Variants in MPPED2 observed in about 807,000 individuals in gnomAD.
The protein encoded by MPPED2 is metallophosphoesterase MPPED2.
Under a neutral mutation model 33.0 loss-of-function variants are expected in MPPED2, and 5 were observed. The observed-to-expected ratio is 0.15, with a 90% confidence interval of 0.08 to 0.32. MPPED2 has a LOEUF of 0.32. MPPED2 is among the 10% of genes least tolerant of loss of function. The pLI is 1.00. For missense variants in MPPED2, 275 were observed against 372.1 expected, an observed-to-expected ratio of 0.74 and a Z score of 2.15; for synonymous variants, 136 against 141.9, an observed-to-expected ratio of 0.96 and a Z score of 0.29.
At chr11:30,584,592 G>A (rs143038800) in intron 1 of MPPED2, 452 of 152,386 alleles carry the variant, frequency 3.0e-3, no homozygotes, top group Non-Finnish European at 5.1e-3. Context: ...CTCTTCCCTA[G>A]CTCTGGATTG....
At position 30,410,629 on chromosome 11, in the gene MPPED2, T is replaced by C. The variant is rs553951; in HGVS notation, c.*839A>G. 713,323 of 985,184 alleles carry C rather than the reference T, an allele frequency of 0.72. 260,184 individuals are homozygous for C. Among genetic ancestry groups the C allele is most frequent in the Non-Finnish European group, 0.74 (617,836 of 829,620 alleles). The allele number at this position is 985,184 out of a possible 1,614,324, so 61.0% of individuals were successfully genotyped here. ...TCAGTTCCTTCCGACTTCTGATGTGTTGCTATACAGCATCCCTTTGCAGTT... is the reference window on the plus strand; with the variant it reads ...TCAGTTCCTTCCGACTTCTGATGTGCTGCTATACAGCATCCCTTTGCAGTT... On this transcript the variant is annotated 3_prime_UTR_variant, in exon 7 of 7. Coordinates refer to ENST00000358117, the MANE Select transcript of MPPED2 (RefSeq NM_001584.3).
At chr11:30,520,005 ATGTCTGCCCTCAC>A (rs1953765904) in intron 3 of MPPED2, among the ~76,000 whole-genome samples, 1 of 152,168 alleles carries the variant, frequency 6.6e-6, no homozygotes, top group Non-Finnish European at 1.5e-5. Context: ...TTATAGTTAG[ATGTCTGCCCTCAC>A]AGGCAAGTAC....
chr11:30,576,258 T>C (rs1039844424), intron 2 of MPPED2, among the ~76,000 whole-genome samples: 31 of 152,280 alleles, frequency 2.0e-4, no homozygotes, highest in African/African-American at 6.7e-4. Context: ...TGCAAGCAAA[T>C]GTTAAACCCG....
rs1554919022 is a variant in MPPED2, at chr11:30,583,134, C to CTTTTTTTCTTTTTTTTTTTTT, written c.-121-2641_-121-2640insAAAAAAAAAAAAAGAAAAAAA. 8.8e-4 allele frequency among the ~76,000 whole-genome samples: 85 copies of CTTTTTTTCTTTTTTTTTTTTT among 96,652 alleles called. 3 individuals are homozygous for CTTTTTTTCTTTTTTTTTTTTT. The highest frequency in any genetic ancestry group is 2.0e-3 in the African/African-American group (42 of 20,680). The allele number at this position is 96,652 out of a possible 152,430, so 63.4% of individuals were successfully genotyped here. On this transcript the variant is annotated intron_variant, in intron 1 of 6. Transcript: ENST00000358117. ...CACAAACACCTGGAAAAGACTTTTT[C>CTTTTTTTCTTTTTTTTTTTTT]TTTTTTTTTTTTTTTTTTTTTTTTT...
At chr11:30,505,731 G>A (rs143895403) in intron 3 of MPPED2, among the ~76,000 whole-genome samples, 100 of 152,282 alleles carry the variant, frequency 6.6e-4, no homozygotes, top group African/African-American at 2.3e-3. Context: ...GACATTGTCA[G>A]GTTTCATCTG....
At chr11:30,522,230 A>G (rs1953911706) in intron 3 of MPPED2, among the ~76,000 whole-genome samples, 1 of 152,198 alleles carries the variant, frequency 6.6e-6, no homozygotes, top group Non-Finnish European at 1.5e-5. Context: ...AGGTCTATAG[A>G]TTACATAACA....
intron 2 of MPPED2, among the ~76,000 whole-genome samples, chr11:30,559,633 G>A (rs1049896088): frequency 1.3e-5 from 2 of 151,820 alleles, no homozygotes; most frequent in African/African-American, 4.8e-5. Flanking sequence ...CTCCTTCAAA[G>A]TCTTATAGAA....
intron 2 of MPPED2, among the ~76,000 whole-genome samples, chr11:30,540,521 T>C (rs560826438): frequency 5.3e-5 from 8 of 152,238 alleles, no homozygotes; most frequent in East Asian, 3.9e-4. Context: ...TAAATGTTAG[T>C]ATTTTTTTTT....
chr11:30,575,622 T>A (rs559028163), intron 2 of MPPED2, among the ~76,000 whole-genome samples: 1 of 152,366 alleles, frequency 6.6e-6, no homozygotes, highest in Admixed American at 6.5e-5. Context: ...CAGATAGCGC[T>A]TGATGTTTTT....
chr11:30,542,151 G>T (rs1955154465), intron 2 of MPPED2, among the ~76,000 whole-genome samples: 1 of 152,142 alleles, frequency 6.6e-6, no homozygotes, highest in South Asian at 2.1e-4. Context: ...ACTTCTTTGA[G>T]GATCATCTTC....
chr11:30,503,708 C>A (rs1952674962), intron 3 of MPPED2, among the ~76,000 whole-genome samples: 1 of 152,136 alleles, frequency 6.6e-6, no homozygotes, highest in Non-Finnish European at 1.5e-5. Context: ...TTAAGACTGC[C>A]AATCCCTATG....
intron 4 of MPPED2, among the ~76,000 whole-genome samples, chr11:30,477,872 A>G (rs2134101131): frequency 6.6e-6 from 1 of 152,236 alleles, no homozygotes; most frequent in South Asian, 2.1e-4. Context: ...CCCTACATGC[A>G]TGACTCAGGG....
At chr11:30,432,632 C>T (rs1174358971) in intron 4 of MPPED2, among the ~76,000 whole-genome samples, 1 of 152,090 alleles carries the variant, frequency 6.6e-6, no homozygotes, top group Non-Finnish European at 1.5e-5. Flanking sequence ...AAAACATACG[C>T]CCTAGAATGA....
chr11:30,542,502 T>C (rs924025383), intron 2 of MPPED2, among the ~76,000 whole-genome samples: 3 of 146,684 alleles, frequency 2.0e-5, no homozygotes, highest in Non-Finnish European at 3.0e-5. Context: ...TGGTGGTACA[T>C]GCTTATAGTT....
chr11:30,456,580 T>C (rs569217209), intron 4 of MPPED2, among the ~76,000 whole-genome samples: 60 of 152,174 alleles, frequency 3.9e-4, no homozygotes, highest in Admixed American at 5.9e-4. Flanking sequence ...GTGTGTGTAG[T>C]ACAGGACTGT....
chr11:30,493,312 A>G (rs961104715), intron 4 of MPPED2, among the ~76,000 whole-genome samples: 1 of 150,200 alleles, frequency 6.7e-6, no homozygotes, highest in Non-Finnish European at 1.5e-5. Flanking sequence ...CGGAGCTTGC[A>G]GTGAGCGGAG....
At chr11:30,508,395 A>G (rs574559718) in intron 3 of MPPED2, among the ~76,000 whole-genome samples, 1 of 152,274 alleles carries the variant, frequency 6.6e-6, no homozygotes, top group East Asian at 1.9e-4. Flanking sequence ...CTCCTCATAC[A>G]TATGCATACA....
chr11:30,512,183 G>T (rs1318648419), intron 3 of MPPED2, among the ~76,000 whole-genome samples: 1 of 152,150 alleles, frequency 6.6e-6, no homozygotes, highest in South Asian at 2.1e-4. Flanking sequence ...GAGGGAAGAT[G>T]TCCTCATGAC....
At chr11:30,409,159 T>C (rs1034300636), downstream of MPPED2, among the ~76,000 whole-genome samples, 2 of 152,196 alleles carry the variant, frequency 1.3e-5, no homozygotes, top group African/African-American at 4.8e-5. Context: ...ATTACCCACC[T>C]ATCTCTGGGA....
Sources: allele counts gnomAD v4.1 joint callset (sites outside exome capture counted in the v4.1 genomes callset), GRCh38; gene constraint gnomAD v4.1.1; transcripts MANE v1.5; gene names NCBI Gene and HGNC (gene_info 2026-07-23, HGNC 2026-07-21).